The following CEP95 variants were observed in gnomAD, a reference collection of about 807,000 sequenced individuals.
CEP95 encodes centrosomal protein of 95 kDa.
Under a neutral mutation model 111.2 loss-of-function variants are expected in CEP95, and 98 were observed. The observed-to-expected ratio is 0.88, with a 90% CI of 0.75 to 1.04. The LOEUF (loss-of-function observed/expected upper bound fraction) is 1.04, where lower values mean the gene tolerates loss of function less well. Ranked by LOEUF, CEP95 falls within the 50% of genes least tolerant of loss-of-function variation. CEP95 has a pLI of 0.00. For synonymous variants in CEP95, 323 were observed against 327.1 expected (o/e 0.99, Z 0.14); for missense variants, 1,027 against 977.2 (o/e 1.05, Z -0.68).
chr17:64,526,452 TTA>T (rs1555679158), intron 10 of CEP95, among the ~76,000 whole-genome samples: 1 of 152,198 alleles, frequency 6.6e-6, no homozygotes, highest in African/African-American at 2.4e-5. Context: ...ACATAAACGA[TTA>T]TGTTAAGCCA....
chr17:64,514,445 A>G lies in CEP95; in HGVS notation c.367+87A>G, dbSNP rs574158666. On this transcript the variant is annotated intron_variant, in intron 4 of 19. Transcript: ENST00000556440. ...TATCTTTTTGTGTATTTTTCTTCAT[A>G]GGAAGCAGATTCACTAATACAGTAT... The G allele has an allele frequency of 2.3e-4, 157 of 685,368 alleles. 1 individual carries two copies. Among genetic ancestry groups the G allele is most frequent in the Admixed American group, 9.1e-4 (39 of 42,630 alleles). 42.5% of individuals were successfully genotyped at this position (685,368 alleles called of 1,614,324 possible).
intron 11 of CEP95, among the ~76,000 whole-genome samples, chr17:64,528,944 G>A (rs1446893006): frequency 2.0e-5 from 3 of 152,136 alleles, no homozygotes; most frequent in Non-Finnish European, 4.4e-5. Flanking sequence ...ACCCAGATAG[G>A]TAAAAGGATA....
In CEP95 at chr17:64,525,224, A is replaced by G. The variant is rs146130188; in HGVS notation, c.910-546A>G. Among the ~76,000 whole-genome samples the G allele has an allele frequency of 5.1e-3, 783 of 152,084 alleles. 6 individuals are homozygous for G. The highest frequency in any genetic ancestry group is 9.3e-3 in the Non-Finnish European group (631 of 67,946). On this transcript the variant is annotated intron_variant, in intron 8 of 19. Coordinates refer to ENST00000556440, the MANE Select transcript of CEP95 (RefSeq NM_138363.3). ...CCAGGTGTTGTGGCATATACCTGTA[A>G]TCCCAGCTACTAGGGAGGCTGAGGC...
chr17:64,508,660 G>T lies in CEP95; in HGVS notation c.88G>T (p.Asp30Tyr). Residue 30 changes from aspartate to tyrosine, a missense_variant, in exon 2 of 20, where the codon GAC becomes TAC. Asp to Tyr is a radical substitution (Grantham distance 160). Transcript: ENST00000556440. ...HIHLRIHELQ[D>Y]CDANVFIALY... ...ACATCTGAGAATACATGAACTTCAA[G>T]ACTGTGATGCTAATGTTTTTATTGC... 1 of 1,467,024 alleles carries T rather than the reference G, an allele frequency of 6.8e-7. No individual in the cohort carries two copies. The highest frequency in any genetic ancestry group is 9.1e-7 in the Non-Finnish European group (1 of 1,100,554). The allele number at this position is 1,467,024 out of a possible 1,614,324, so 90.9% of individuals were successfully genotyped here.
At chr17:64,509,920 T>C (rs1555674332) in intron 2 of CEP95, among the ~76,000 whole-genome samples, 1 of 152,034 alleles carries the variant, frequency 6.6e-6, no homozygotes. Flanking sequence ...TATATATATA[T>C]GGTGTAATAA....
chr17:64,522,870 C>T lies in CEP95; in HGVS notation c.884C>T (p.Thr295Ile), dbSNP rs1159215679. Reference sequence around the variant, plus strand: ...CACTGCTCCCCAGCCGTAAATTCTACTGGAGAGCATACGGAATTTTCTGGG... The same window carrying T: ...CACTGCTCCCCAGCCGTAAATTCTATTGGAGAGCATACGGAATTTTCTGGG... Reference protein sequence around the residue: ...SSHCSPAVNSTGEHTEFSGDL... With the variant: ...SSHCSPAVNSIGEHTEFSGDL... The change falls in exon 8 of 20, where the codon ACT becomes ATT. Residue 295 changes from threonine (T) to isoleucine (I), a missense_variant. Physicochemically the swap from Thr to Ile is moderately conservative, Grantham distance 89 (BLOSUM62 -1). Coordinates refer to ENST00000556440, the MANE Select transcript of CEP95 (RefSeq NM_138363.3). 1.9e-6 allele frequency: 3 copies of T among 1,611,898 alleles called. No homozygotes were observed. Among genetic ancestry groups the T allele is most frequent in the Non-Finnish European group, 1.7e-6 (2 of 1,179,242 alleles).
chr17:64,529,546 G>A, intron 12 of CEP95, 119 bp downstream of exon 12: 1 of 1,028,672 alleles, frequency 9.7e-7, no homozygotes, highest in Non-Finnish European at 1.4e-6. Flanking sequence ...TTCTTGAGCG[G>A]AGTGGATGAT....
intron 10 of CEP95, 61 bp from the exon 11 acceptor site, chr17:64,527,050 T>A: frequency 7.0e-7 from 1 of 1,434,584 alleles, no homozygotes; most frequent in Non-Finnish European, 9.7e-7. Context: ...GTCTGCCTAC[T>A]CCTACGAATT....
chr17:64,506,807 G>GA, upstream of CEP95: 1 of 571,728 alleles, frequency 1.7e-6, no homozygotes, highest in Non-Finnish European at 3.2e-6. Context: ...GGCTGATGTG[G>GA]ACCGTCCGAC....
chr17:64,508,832 T>C (rs1031842853), intron 2 of CEP95, 112 bp downstream of exon 2: 58 of 346,106 alleles, frequency 1.7e-4, no homozygotes, highest in South Asian at 5.5e-4. Context: ...TTTGCTTGTT[T>C]CTTTTTTTAA....
Position 64,537,115 on chromosome 17 carries a change from A to AAG in CEP95, c.2289+4_2289+5insGA, listed in dbSNP as rs1568161434. ...CCAGAGAGAAATCTCAGGCCCAGGT[A>AAG]ATAATTAAGATAGAAGCCAAGTCAT... On this transcript the variant is annotated splice_donor_region_variant and intron_variant, in intron 19 of 19. Transcript: ENST00000556440. The AAG allele has an allele frequency of 1.2e-6, 2 of 1,610,922 alleles. No individual in the cohort carries two copies. Among genetic ancestry groups the AAG allele is most frequent in the Admixed American group, 3.3e-5 (2 of 59,756 alleles).
At chr17:64,532,240 A>G in intron 14 of CEP95, 3 of 1,231,588 alleles carry the variant, frequency 2.4e-6, no homozygotes, top group Non-Finnish European at 2.0e-6. Context: ...CACCCAAGGA[A>G]TGCCAGGACT....
At chr17:64,536,982 G>A in intron 18 of CEP95, 59 bp from the exon 19 acceptor site, 2 of 1,480,290 alleles carry the variant, frequency 1.4e-6, no homozygotes, top group South Asian at 2.5e-5. Context: ...ATTAAGAAAT[G>A]TTACATTTGG....
chr17:64,525,103 G>A (rs1967696913), intron 8 of CEP95, among the ~76,000 whole-genome samples: 2 of 152,114 alleles, frequency 1.3e-5, no homozygotes, highest in African/African-American at 4.8e-5. Flanking sequence ...CACTTTGAGA[G>A]GCTGAGGCGG....
intron 12 of CEP95, among the ~76,000 whole-genome samples, chr17:64,530,632 C>T (rs1319463779): frequency 6.6e-6 from 1 of 151,952 alleles, no homozygotes; most frequent in African/African-American, 2.4e-5. Flanking sequence ...CCTCAGCCTC[C>T]CGAATAGCTG....
intron 3 of CEP95, 80 bp downstream of exon 3, chr17:64,510,360 C>G: frequency 5.6e-6 from 5 of 899,274 alleles, no homozygotes; most frequent in Non-Finnish European, 9.0e-6. Context: ...GTTTACTTAA[C>G]CAAATGAGTG....
Position 64,537,768 on chromosome 17 carries a change from CCCT to C in CEP95, c.2458_2460del (p.Ser820del). The C allele has an allele frequency of 6.3e-7, 1 of 1,595,298 alleles. No individual in the cohort carries two copies. The highest frequency in any genetic ancestry group is 8.5e-7 in the Non-Finnish European group (1 of 1,170,226). The stretch of plus-strand genomic sequence containing the variant: ...GGCTTCCTTTCAGTACAGTAAAAGT[CCCT>C]CCCTATGAGGCCAGACTTGATAATA... On this transcript the variant is annotated inframe_deletion, in exon 20 of 20. Transcript: ENST00000556440.
intron 1 of CEP95, chr17:64,507,616 C>G: frequency 5.0e-6 from 5 of 991,352 alleles, no homozygotes; most frequent in Non-Finnish European, 6.0e-6. Flanking sequence ...TTGTCTAGCA[C>G]CGCTTTTGAA....
intron 7 of CEP95, among the ~76,000 whole-genome samples, 153 bp from the exon 8 acceptor site, chr17:64,522,549 C>T (rs1000867712): frequency 3.3e-5 from 5 of 151,318 alleles, no homozygotes; most frequent in African/African-American, 9.7e-5. Context: ...AGGCTATATC[C>T]CTGGTTTAAT....
Sources: gnomAD v4.1 joint callset for allele counts (sites outside exome capture counted in the v4.1 genomes callset) on GRCh38, gnomAD v4.1.1 for gene constraint, MANE v1.5 for transcripts, NCBI Gene and HGNC (gene_info 2026-07-23, HGNC 2026-07-21) for gene names.